UPP2: variants seen among roughly 807,000 people sequenced by gnomAD.
UPP2 encodes uridine phosphorylase 2.
A neutral mutation model predicts 26.7 loss-of-function variants in UPP2; 23 were observed. The observed-to-expected ratio is 0.86, with a 90% CI of 0.62 to 1.22. UPP2 has a LOEUF of 1.22. Among genes scored for constraint, UPP2 ranks in the 50% most tolerant of loss-of-function variants. The probability of loss-of-function intolerance (pLI) is 0.00; values close to 1 mark genes in which losing one functional copy is unlikely to be tolerated. For synonymous variants in UPP2, 127 were observed against 141.3 expected, an observed-to-expected ratio of 0.90 and a Z score of 0.72; for missense variants, 387 against 396.7, an observed-to-expected ratio of 0.98 and a Z score of 0.21.
Position 158,044,404 on chromosome 2 carries a change from C to T in UPP2, c.147+28518C>T, listed in dbSNP as rs1057131739. ...AGGGTGAAGAGCAATGTGTAAGTCTCGGGGCAGGAGAGGATGTAGTGACAG... is the reference window on the plus strand; with the variant it reads ...AGGGTGAAGAGCAATGTGTAAGTCTTGGGGCAGGAGAGGATGTAGTGACAG... On this transcript the variant is annotated intron_variant, in intron 3 of 9. Transcript: ENST00000605860. 7.2e-5 allele frequency among the ~76,000 whole-genome samples: 11 copies of T among 151,842 alleles called. 1 individual carries two copies. Among genetic ancestry groups the T allele is most frequent in the Admixed American group, 4.6e-4 (7 of 15,248 alleles).
chr2:158,042,503 G>C (rs1238279846), intron 3 of UPP2, among the ~76,000 whole-genome samples: 1 of 152,162 alleles, frequency 6.6e-6, no homozygotes, highest in African/African-American at 2.4e-5. Context: ...GGATTTCATG[G>C]TGTTTCTGTG....
At chr2:158,113,514 G>A (rs1375653481) in intron 2 of UPP2, among the ~76,000 whole-genome samples, 1 of 152,184 alleles carries the variant, frequency 6.6e-6, no homozygotes, top group East Asian at 1.9e-4. Flanking sequence ...AAACTCATAA[G>A]AAGGCAGAGA....
chr2:158,019,794 GTA>G (rs1404779970), intron 3 of UPP2, among the ~76,000 whole-genome samples: 1 of 151,852 alleles, frequency 6.6e-6, no homozygotes, highest in Non-Finnish European at 1.5e-5. Flanking sequence ...ATGTACATCA[GTA>G]TATATATTTT....
At chr2:158,101,075 T>A (rs888657424), upstream of UPP2, among the ~76,000 whole-genome samples, 3 of 152,190 alleles carry the variant, frequency 2.0e-5, no homozygotes, top group South Asian at 6.2e-4. Context: ...TGTTTGGCAT[T>A]TATAGACATT....
intron 3 of UPP2, among the ~76,000 whole-genome samples, chr2:158,074,196 C>T (rs746610719): frequency 2.0e-5 from 3 of 151,944 alleles, no homozygotes; most frequent in Non-Finnish European, 4.4e-5. Context: ...AAACAAAATC[C>T]AAACAGAAAA....
intron 3 of UPP2, among the ~76,000 whole-genome samples, chr2:158,038,679 T>C (rs1684039727): frequency 1.3e-5 from 2 of 152,214 alleles, no homozygotes; most frequent in South Asian, 2.1e-4. Flanking sequence ...CTAATGCCCA[T>C]TTGTAAAACC....
intron 3 of UPP2, among the ~76,000 whole-genome samples, chr2:158,094,179 A>C (rs1446091816): frequency 6.6e-6 from 1 of 152,016 alleles, no homozygotes; most frequent in Admixed American, 6.6e-5. Context: ...GATTACCTTC[A>C]GGAAGAAAGT....
At chr2:158,125,430 T>G (rs1190331384) in intron 6 of UPP2, among the ~76,000 whole-genome samples, 1 of 151,996 alleles carries the variant, frequency 6.6e-6, no homozygotes, top group Non-Finnish European at 1.5e-5. Flanking sequence ...CTTTTTTTTT[T>G]TTTTTGAGAC....
At chr2:158,074,066 T>C (rs754955044) in intron 3 of UPP2, among the ~76,000 whole-genome samples, 10 of 152,174 alleles carry the variant, frequency 6.6e-5, no homozygotes, top group Non-Finnish European at 1.3e-4. Context: ...TAGTCTCAGC[T>C]ACTTGGGAAG....
intron 3 of UPP2, among the ~76,000 whole-genome samples, chr2:158,094,323 T>C (rs1333574618): frequency 6.6e-6 from 1 of 151,904 alleles, no homozygotes; most frequent in Non-Finnish European, 1.5e-5. Context: ...AATATATCTG[T>C]ACCTTTATGT....
At chr2:158,001,522 A>C (rs533503005) in intron 2 of UPP2, among the ~76,000 whole-genome samples, 1 of 152,218 alleles carries the variant, frequency 6.6e-6, no homozygotes, top group African/African-American at 2.4e-5. Flanking sequence ...ATCCAATAAG[A>C]AGCTATAGTG....
At chr2:158,007,464 C>T (rs1263945109) in intron 2 of UPP2, among the ~76,000 whole-genome samples, 1 of 152,130 alleles carries the variant, frequency 6.6e-6, no homozygotes, top group East Asian at 1.9e-4. Flanking sequence ...CTCAGGTGCC[C>T]TGAGTGTTCC....
intron 3 of UPP2, among the ~76,000 whole-genome samples, chr2:158,023,530 A>G (rs923947211): frequency 3.3e-5 from 5 of 152,210 alleles, no homozygotes; most frequent in African/African-American, 1.2e-4. Context: ...TTACAGCAAT[A>G]ACACCTGAAG....
rs766503959 is a variant in UPP2 at position 158,054,285 on chromosome 2, AAAAG to A, written c.147+38407_147+38410del. Among the ~76,000 whole-genome samples, 42 of 152,112 alleles carry A rather than the reference AAAAG, an allele frequency of 2.8e-4. 1 individual carries two copies. The highest frequency in any genetic ancestry group is 4.4e-5 in the Non-Finnish European group (3 of 68,018). On this transcript the variant is annotated intron_variant, in intron 3 of 9. Coordinates refer to the UPP2 transcript ENST00000605860. ...GGAAAAGTAAATAAATGAATAAATA[AAAAG>A]AAAGAAACAGTGCAAGAGGGAAAAA...
At position 158,134,998 on chromosome 2, in the gene UPP2, C is replaced by T. The variant is rs1683901740; in HGVS notation, c.*108C>T. On this transcript the variant is annotated 3_prime_UTR_variant, in exon 7 of 7. Coordinates refer to ENST00000005756, the MANE Select transcript of UPP2 (RefSeq NM_173355.4). ...TTTTTATATAGTTCTCATCCACATG[C>T]TAAATGGAAAGACTTTATGAAATCC... 2.4e-6 allele frequency: 3 copies of T among 1,275,068 alleles called. No individual in the cohort carries two copies. The highest frequency in any genetic ancestry group is 3.0e-5 in the Admixed American group (1 of 33,004). 79.0% of individuals were successfully genotyped at this position (1,275,068 alleles called of 1,614,324 possible).
chr2:158,078,787 G>T (rs1159763503), intron 3 of UPP2, among the ~76,000 whole-genome samples: 1 of 152,086 alleles, frequency 6.6e-6, no homozygotes, highest in Non-Finnish European at 1.5e-5. Context: ...AGTAGAATTG[G>T]ATTGTAACAC....
At chr2:158,010,763 C>CTT (rs34328148) in intron 2 of UPP2, among the ~76,000 whole-genome samples, 4 of 82,902 alleles carry the variant, frequency 4.8e-5, no homozygotes, top group Non-Finnish European at 8.7e-5. Context: ...CCCTCTTTTT[C>CTT]TTTTTTTTTT....
chr2:158,090,079 T>G (rs748636577), intron 3 of UPP2, among the ~76,000 whole-genome samples: 3 of 152,122 alleles, frequency 2.0e-5, no homozygotes, highest in Non-Finnish European at 4.4e-5. Context: ...CAACAATCAT[T>G]TATTATATAT....
In UPP2 at chr2:158,054,480, T is replaced by C. The variant is rs1002584946; in HGVS notation, c.147+38594T>C. On this transcript the variant is annotated intron_variant, in intron 3 of 9. Transcript: ENST00000605860. Reference sequence around the variant, plus strand: ...TTCTCTATGTTCCCTTGGAGAATCATGGGCTTTGCATATTGAAAGTCATTT... The same window carrying C: ...TTCTCTATGTTCCCTTGGAGAATCACGGGCTTTGCATATTGAAAGTCATTT... 3.3e-5 allele frequency among the ~76,000 whole-genome samples: 5 copies of C among 152,010 alleles called. No homozygotes were observed. The East Asian group carries it at 7.7e-4, about 23-fold the overall frequency.
Sources: allele counts gnomAD v4.1 joint callset (sites outside exome capture counted in the v4.1 genomes callset), GRCh38; gene constraint gnomAD v4.1.1; transcripts MANE v1.5; gene names NCBI Gene and HGNC (gene_info 2026-07-23, HGNC 2026-07-21).